Variants in ABCC11 observed in about 807,000 individuals in gnomAD.
ABCC11 encodes ATP-binding cassette sub-family C member 11.
ABCC11 carries 135 observed loss-of-function variants against 149.3 expected under a neutral mutation model. The observed-to-expected ratio is 0.90, with a 90% CI of 0.79 to 1.04. ABCC11 has a LOEUF of 1.04. Among genes scored for constraint, ABCC11 ranks in the 50% least tolerant of loss-of-function variants. The pLI, the probability that ABCC11 is intolerant of heterozygous loss-of-function variation, is 0.00. For missense variants in ABCC11, 1,680 were observed against 1,722.1 expected (o/e 0.98, Z 0.43); for synonymous variants, 665 against 671.4 (o/e 0.99, Z 0.15).
intron 18 of ABCC11, among the ~76,000 whole-genome samples, chr16:48,194,238 A>G (rs985716704): frequency 6.6e-6 from 1 of 152,174 alleles, no homozygotes; most frequent in Non-Finnish European, 1.5e-5. Context: ...TTCTTTACCT[A>G]TGAAATAGTG....
At chr16:48,190,823 C>T (rs906125015) in intron 20 of ABCC11, among the ~76,000 whole-genome samples, 1 of 152,214 alleles carries the variant, frequency 6.6e-6, no homozygotes, top group African/African-American at 2.4e-5. Context: ...TGGAGGCCAG[C>T]GTCACTGTGG....
intron 26 of ABCC11, among the ~76,000 whole-genome samples, chr16:48,172,972 C>G (rs915434546): frequency 6.6e-6 from 1 of 152,202 alleles, no homozygotes; most frequent in Non-Finnish European, 1.5e-5. Context: ...TTTATCCTTC[C>G]CCAGTTGTGC....
At chr16:48,189,272 G>A (rs1019824329) in intron 20 of ABCC11, among the ~76,000 whole-genome samples, 2 of 152,206 alleles carry the variant, frequency 1.3e-5, no homozygotes, top group Non-Finnish European at 2.9e-5. Flanking sequence ...AGGAGTGGAC[G>A]TCAGCTCCAC....
Position 48,196,339 on chromosome 16 carries a change from A to T in ABCC11, c.2315-18T>A, listed in dbSNP as rs529940654. ...CTCCGGCACTGGGTCAGGGTAGAAG[A>T]AGAGAAAAGTGGTATGCCTGCCAAT... On this transcript the variant is annotated intron_variant, in intron 17 of 29. Coordinates refer to ENST00000356608, the MANE Select transcript of ABCC11 (RefSeq NM_001370497.1). 89 of 1,611,554 alleles carry T rather than the reference A, an allele frequency of 5.5e-5. 3 individuals carry two copies. In the South Asian group the frequency reaches 9.4e-4, roughly 17 times the overall value.
intron 1 of ABCC11, among the ~76,000 whole-genome samples, chr16:48,238,934 T>G (rs1158320592): frequency 2.5e-5 from 1 of 40,576 alleles, no homozygotes; most frequent in African/African-American, 1.2e-4. Context: ...AGACTCTGTC[T>G]AAAAAAAAAA....
chr16:48,170,937 A>T lies in ABCC11; in HGVS notation c.3729T>A (p.Thr1243=). ...CCAAGGCATCCCAGATCTGCTGGTC[A>T]GTGTGACGGTCAAAGGGATCTAGGT... is the stretch of plus-strand genomic sequence containing the variant. ...RFNLDPFDRH[T]DQQIWDALER... is the part of the protein sequence containing the mutation. Residue 1243 remains threonine (T), a synonymous_variant, in exon 27 of 30, where the codon ACT becomes ACA. Coordinates refer to ENST00000356608, the MANE Select transcript of ABCC11 (RefSeq NM_001370497.1). 6.2e-7 allele frequency: 1 copy of T among 1,614,026 alleles called. No individual in the cohort carries two copies. Among genetic ancestry groups the T allele is most frequent in the Non-Finnish European group, 8.5e-7 (1 of 1,179,852 alleles).
In ABCC11 at chr16:48,166,151, A is replaced by G. The variant is rs1470402793; in HGVS notation, c.*1123T>C. 6.6e-6 allele frequency among the ~76,000 whole-genome samples: 1 copy of G among 152,154 alleles called. No individual in the cohort carries two copies. The highest frequency in any genetic ancestry group is 1.5e-5 in the Non-Finnish European group (1 of 68,032). The stretch of plus-strand genomic sequence containing the variant: ...CAGTCTACATGATCTAGGGCAGCAA[A>G]TCCCATCCCCAGGCCCAAATATGGG... On this transcript the variant is annotated 3_prime_UTR_variant, in exon 30 of 30. Coordinates refer to ENST00000356608, the MANE Select transcript of ABCC11 (RefSeq NM_001370497.1).
intron 15 of ABCC11, among the ~76,000 whole-genome samples, chr16:48,199,480 T>G (rs1000993627): frequency 7.3e-5 from 11 of 151,628 alleles, no homozygotes; most frequent in Non-Finnish European, 1.0e-4. Context: ...AATAAGGCAC[T>G]GTGGCCAATG....
At chr16:48,215,787 T>C (rs1464927132) in intron 7 of ABCC11, among the ~76,000 whole-genome samples, 3 of 152,250 alleles carry the variant, frequency 2.0e-5, no homozygotes, top group African/African-American at 7.2e-5. Flanking sequence ...AAATGCTGGC[T>C]GTGTTATTAC....
chr16:48,195,250 C>G (rs1967290358), intron 18 of ABCC11, among the ~76,000 whole-genome samples: 1 of 152,220 alleles, frequency 6.6e-6, no homozygotes, highest in Non-Finnish European at 1.5e-5. Context: ...TACCCCTCCC[C>G]TCTAGAGCTT....
intron 23 of ABCC11, among the ~76,000 whole-genome samples, chr16:48,180,065 G>A (rs947133188): frequency 6.6e-5 from 10 of 152,160 alleles, no homozygotes; most frequent in East Asian, 1.9e-4. Context: ...CACACCCTGC[G>A]GGCTGCCTTG....
intron 14 of ABCC11, among the ~76,000 whole-genome samples, chr16:48,201,480 T>C (rs1360702139): frequency 4.7e-5 from 7 of 147,450 alleles, no homozygotes; most frequent in African/African-American, 1.5e-4. Flanking sequence ...TTTTCTTTTT[T>C]TTTTTTTTTT....
chr16:48,224,650 G>A (rs1969955588), intron 4 of ABCC11, among the ~76,000 whole-genome samples: 1 of 152,094 alleles, frequency 6.6e-6, no homozygotes, highest in South Asian at 2.1e-4. Context: ...TGGAGGATTT[G>A]AAGCAAATCT....
At position 48,215,028 on chromosome 16, in the gene ABCC11, G is replaced by A. The variant is rs144420816; in HGVS notation, c.1101C>T (p.Asp367=). 1.2e-6 allele frequency: 2 copies of A among 1,612,808 alleles called. No individual in the cohort carries two copies. Among genetic ancestry groups the A allele is most frequent in the East Asian group, 4.5e-5 (2 of 44,862 alleles). Residue 367 remains aspartate, a splice_region_variant and synonymous_variant, in exon 9 of 30, where the codon GAC becomes GAT. Coordinates refer to ENST00000356608, the MANE Select transcript of ABCC11 (RefSeq NM_001370497.1). The stretch of plus-strand genomic sequence containing the variant: ...ATAGTTTCCTTTCCTTCCTTCTTAG[G>A]TCTGGGAAATAAAAAAGAAATACAC... The part of the protein sequence containing the change: ...WEKPFAKIIE[D]LRRKERKLLE...
At chr16:48,174,850 G>A (rs748637572) in intron 26 of ABCC11, among the ~76,000 whole-genome samples, 6 of 152,064 alleles carry the variant, frequency 3.9e-5, no homozygotes, top group African/African-American at 7.2e-5. Context: ...ATAAGAGTCA[G>A]GGTCTTGTTG....
At chr16:48,202,727 G>GC (rs1377675638) in intron 14 of ABCC11, among the ~76,000 whole-genome samples, 3 of 152,136 alleles carry the variant, frequency 2.0e-5, no homozygotes, top group African/African-American at 7.2e-5. Flanking sequence ...ATAGCACCTT[G>GC]CATGTAGTAA....
At chr16:48,235,822 C>A (rs1165663988) in intron 1 of ABCC11, among the ~76,000 whole-genome samples, 1 of 152,206 alleles carries the variant, frequency 6.6e-6, no homozygotes, top group Non-Finnish European at 1.5e-5. Context: ...TCCCCAGAGG[C>A]AAAGGTCAGG....
At chr16:48,216,845 C>T (rs1368466230) in intron 6 of ABCC11, among the ~76,000 whole-genome samples, 1 of 152,182 alleles carries the variant, frequency 6.6e-6, no homozygotes, top group Non-Finnish European at 1.5e-5. Context: ...ATTTTCACCA[C>T]ATATTTCATA....
chr16:48,207,918 G>A (rs1423251580), intron 12 of ABCC11, among the ~76,000 whole-genome samples: 1 of 151,986 alleles, frequency 6.6e-6, no homozygotes, highest in East Asian at 1.9e-4. Context: ...CCTCTCCCCA[G>A]CCTTCCTTCC....
Sources: gnomAD v4.1 joint callset for allele counts (sites outside exome capture counted in the v4.1 genomes callset) on GRCh38, gnomAD v4.1.1 for gene constraint, MANE v1.5 for transcripts, NCBI Gene and HGNC (gene_info 2026-07-23, HGNC 2026-07-21) for gene names.